The following TNRC6B variants were observed in gnomAD, a reference collection of about 807,000 sequenced individuals.
The protein encoded by TNRC6B is trinucleotide repeat-containing gene 6B protein.
Under a neutral mutation model 203.6 loss-of-function variants are expected in TNRC6B, and 52 were observed. The ratio of observed to expected loss-of-function variants is 0.26; its 90% CI spans 0.20 to 0.32. TNRC6B has a LOEUF of 0.32. TNRC6B is among the 10% of genes least tolerant of loss of function. TNRC6B has a pLI of 1.00. For synonymous variants in TNRC6B, 838 were observed against 845.7 expected, an observed-to-expected ratio of 0.99 and a Z score of 0.16; for missense variants, 1,923 against 2,286.2, an observed-to-expected ratio of 0.84 and a Z score of 3.24.
chr22:40,236,691 C>A (rs1015469068), intron 1 of TNRC6B, among the ~76,000 whole-genome samples: 1 of 152,122 alleles, frequency 6.6e-6, no homozygotes, highest in Admixed American at 6.6e-5. Context: ...CAAGATGAAC[C>A]CTGGCTGTTC....
intron 1 of TNRC6B, among the ~76,000 whole-genome samples, chr22:40,052,896 C>T (rs1463007168): frequency 6.6e-6 from 1 of 152,140 alleles, no homozygotes; most frequent in Non-Finnish European, 1.5e-5. Flanking sequence ...ATGTTACCTT[C>T]TATTCTCTTT....
At chr22:40,141,204 CTTTT>C (rs757105010) in intron 3 of TNRC6B, among the ~76,000 whole-genome samples, 1 of 75,688 alleles carries the variant, frequency 1.3e-5, no homozygotes, top group African/African-American at 5.3e-5. Flanking sequence ...AAATTCTGTC[CTTTT>C]TTTTTTTTTT....
At chr22:40,070,269 T>G (rs1310745136) in intron 1 of TNRC6B, among the ~76,000 whole-genome samples, 1 of 152,242 alleles carries the variant, frequency 6.6e-6, no homozygotes, top group Non-Finnish European at 1.5e-5. Flanking sequence ...TACTTGACTT[T>G]TATTTTGTGA....
intron 3 of TNRC6B, among the ~76,000 whole-genome samples, chr22:40,153,793 T>C (rs1215964396): frequency 6.6e-6 from 1 of 151,590 alleles, no homozygotes; most frequent in Non-Finnish European, 1.5e-5. Flanking sequence ...GTACTGTTTT[T>C]GTTTGTCAGC....
At position 40,315,496 on chromosome 22, in the gene TNRC6B, G is replaced by A. The variant is rs2071245338; in HGVS notation, c.4892G>A (p.Arg1631Gln). 9 of 1,613,988 alleles carry A rather than the reference G, an allele frequency of 5.6e-6. No homozygotes were observed. Among genetic ancestry groups the A allele is most frequent in the African/African-American group, 2.7e-5 (2 of 75,040 alleles). ...SVRGWGTQDS[R>Q]LASASTWSDG... ...AGGGGGTGGGGGACACAGGACTCAC[G>A]GCTCGCCTCGGGTGAGGAGGATCTG... The change falls in exon 20 of 23, where the codon CGG (arginine) becomes CAG (glutamine). Residue 1631 changes from arginine to glutamine, a missense_variant. Transcript: ENST00000454349.
chr22:40,238,475 C>A (rs2069979371), intron 1 of TNRC6B, among the ~76,000 whole-genome samples: 1 of 152,128 alleles, frequency 6.6e-6, no homozygotes, highest in Non-Finnish European at 1.5e-5. Context: ...CCCCCCGCCC[C>A]CAACCACCGA....
chr22:40,289,835 A>C (rs1479049142), intron 12 of TNRC6B, among the ~76,000 whole-genome samples: 1 of 152,208 alleles, frequency 6.6e-6, no homozygotes, highest in Non-Finnish European at 1.5e-5. Context: ...AACATGTTCA[A>C]AACACAGCTT....
chr22:40,075,799 T>G (rs1216248331), intron 1 of TNRC6B, among the ~76,000 whole-genome samples: 2 of 152,228 alleles, frequency 1.3e-5, no homozygotes, highest in Non-Finnish European at 2.9e-5. Context: ...GCTTTATGGC[T>G]TAAAATATGC....
At chr22:40,241,431 C>T (rs2070027406) in intron 1 of TNRC6B, among the ~76,000 whole-genome samples, 1 of 152,238 alleles carries the variant, frequency 6.6e-6, no homozygotes. Context: ...AGTCTCCTTT[C>T]ATTTGGAACA....
chr22:40,287,501 G>A (rs2070804221), intron 12 of TNRC6B, among the ~76,000 whole-genome samples: 1 of 152,056 alleles, frequency 6.6e-6, no homozygotes, highest in South Asian at 2.1e-4. Context: ...GTCTTGCCTG[G>A]GAGTCTGGGA....
chr22:40,245,436 A>G (rs2070093103), intron 1 of TNRC6B, among the ~76,000 whole-genome samples: 1 of 152,120 alleles, frequency 6.6e-6, no homozygotes. Flanking sequence ...CCTTAAAAAT[A>G]GAAAATAGAA....
At chr22:40,195,792 C>A (rs772369020) in intron 1 of TNRC6B, among the ~76,000 whole-genome samples, 3 of 152,102 alleles carry the variant, frequency 2.0e-5, no homozygotes, top group African/African-American at 2.4e-5. Context: ...TTTTTTGAGA[C>A]GGAGTCTCGC....
intron 4 of TNRC6B, among the ~76,000 whole-genome samples, chr22:40,171,390 T>C (rs2068996921): frequency 1.3e-5 from 2 of 152,192 alleles, no homozygotes; most frequent in African/African-American, 4.8e-5. Flanking sequence ...CTCGATCTCC[T>C]GACCTTGTGA....
Position 40,266,236 on chromosome 22 carries a change from C to T in TNRC6B, c.2006C>T (p.Ala669Val), listed in dbSNP as rs538827705. 3.1e-6 allele frequency: 5 copies of T among 1,603,114 alleles called. No homozygotes were observed. The highest frequency in any genetic ancestry group is 2.2e-5 in the East Asian group (1 of 44,488). The change falls in exon 5 of 23, where the codon GCA becomes GTA. Residue 669 changes from alanine to valine, a missense_variant. Coordinates refer to ENST00000454349, the MANE Select transcript of TNRC6B (RefSeq NM_001162501.2). The part of the protein sequence containing the change: ...QTKNSGGWGD[A>V]PSQSNQMKSG... Reference sequence around the variant, plus strand: ...AAGAACTCAGGGGGCTGGGGAGATGCACCCAGCCAAAGCAATCAAATGAAG... The same window carrying T: ...AAGAACTCAGGGGGCTGGGGAGATGTACCCAGCCAAAGCAATCAAATGAAG...
In TNRC6B at chr22:40,264,835, G is replaced by C. The variant is rs937037148; in HGVS notation, c.605G>C (p.Cys202Ser). Residue 202 changes from cysteine to serine, a missense_variant, in exon 5 of 23, where the codon TGT (cysteine) becomes TCT (serine). Transcript: ENST00000454349. ...GGGTCTGACATGGAAGAGTGGCCTT[G>C]TATTGCCAGCAAAGACACTGAATCT... is the stretch of plus-strand genomic sequence containing the variant. ...VDGSDMEEWP[C>S]IASKDTESSS... 1.9e-6 allele frequency: 3 copies of C among 1,613,958 alleles called. No homozygotes were observed. Among genetic ancestry groups the C allele is most frequent in the Non-Finnish European group, 2.5e-6 (3 of 1,179,892 alleles).
rs2071447210 is a variant in TNRC6B at position 40,329,914 on chromosome 22, G to GA, written c.*6678dup. The GA allele has an allele frequency of 6.6e-6, 1 of 152,154 alleles. No homozygotes were observed. The highest frequency in any genetic ancestry group is 1.5e-5 in the Non-Finnish European group (1 of 68,014). 9.4% of individuals were successfully genotyped at this position (152,154 alleles called of 1,614,324 possible). A position where few individuals can be genotyped will look rare whatever the true frequency, so the allele number is the denominator to read the frequency against. Reference sequence around the variant, plus strand: ...TTAACAAGAAACTGTACATGGCCAGGAAAAATGGTACTACCTTGGCCAAAG... The same window carrying GA: ...TTAACAAGAAACTGTACATGGCCAGGAAAAAATGGTACTACCTTGGCCAAAG... On this transcript the variant is annotated 3_prime_UTR_variant, in exon 23 of 23. Transcript: ENST00000454349.
chr22:40,121,053 C>G (rs12628757), intron 2 of TNRC6B, among the ~76,000 whole-genome samples: 19,503 of 152,122 alleles, frequency 0.13, 1,647 homozygotes, highest in Non-Finnish European at 0.16. Flanking sequence ...GGATACAAGG[C>G]CAGGAATATG....
intron 3 of TNRC6B, among the ~76,000 whole-genome samples, chr22:40,151,754 G>C (rs1368607325): frequency 1.3e-5 from 2 of 148,458 alleles, no homozygotes; most frequent in Non-Finnish European, 3.0e-5. Flanking sequence ...GAACCTCCCA[G>C]AAATTAAAAT....
chr22:40,301,611 T>A, intron 15 of TNRC6B: 2 of 439,354 alleles, frequency 4.6e-6, no homozygotes, highest in Non-Finnish European at 8.2e-6. Flanking sequence ...GTCTGGTTTA[T>A]TTTATTTAAC....
Sources: gnomAD v4.1 joint callset for allele counts (sites outside exome capture counted in the v4.1 genomes callset) on GRCh38, gnomAD v4.1.1 for gene constraint, MANE v1.5 for transcripts, NCBI Gene and HGNC (gene_info 2026-07-23, HGNC 2026-07-21) for gene names.